Variants in PSORS1C1 observed in about 807,000 individuals in gnomAD.
PSORS1C1 encodes psoriasis susceptibility 1 candidate 1.
PSORS1C1 carries 7 observed loss-of-function variants against 9.4 expected under a neutral mutation model. That is an observed-to-expected ratio of 0.75 (90% CI 0.42 to 1.40). The LOEUF (loss-of-function observed/expected upper bound fraction) is 1.40, where lower values mean the gene tolerates loss of function less well. Among genes scored for constraint, PSORS1C1 ranks in the 40% most tolerant of loss-of-function variants. The pLI is 0.01. For synonymous variants in PSORS1C1, 63 were observed against 69.4 expected (o/e 0.91, Z 0.46); for missense variants, 146 against 178.1 (o/e 0.82, Z 1.02).
chr6:31,139,691 C>G lies in PSORS1C1; in HGVS notation c.218C>G (p.Ala73Gly), dbSNP rs764501382. Reference protein sequence around the residue: ...AMISKEFHLAATQDDCRKGRT... With the variant: ...AMISKEFHLAGTQDDCRKGRT... ...ATATCCAAGGAATTCCATCTGGCAG[C>G]CACCCAGGATGACTGCAGAAAAGGA... Residue 73 changes from alanine (A) to glycine (G), a missense_variant, in exon 6 of 6, where the codon GCC becomes GGC. By Grantham distance (60) the Ala-to-Gly change is moderately conservative (BLOSUM62 0). Transcript: ENST00000259881. This position sits in a 1 kb window ranked among gnomAD's most constrained non-coding sequence, Gnocchi z 5.2. The G allele has an allele frequency of 1.4e-5, 23 of 1,612,840 alleles. No homozygotes were observed. Among genetic ancestry groups the G allele is most frequent in the Non-Finnish European group, 1.9e-5 (23 of 1,179,952 alleles).
At chr6:31,116,809 T>G (rs1772157059) in intron 1 of PSORS1C1, 5 of 1,613,860 alleles carry the variant, frequency 3.1e-6, no homozygotes, top group Non-Finnish European at 4.2e-6. Context: ...GGGGGGACCT[T>G]GAACCACTCC....
rs118054930 is a variant in PSORS1C1 at position 31,120,835 on chromosome 6, G to A, written c.-228-4841G>A. 9.2e-3 allele frequency among the ~76,000 whole-genome samples: 1,404 copies of A among 152,026 alleles called. 38 individuals carry two copies. The highest frequency in any genetic ancestry group is 0.077 in the South Asian group (371 of 4,806). On this transcript the variant is annotated intron_variant, in intron 1 of 5. Coordinates refer to ENST00000259881, the MANE Select transcript of PSORS1C1 (RefSeq NM_014068.3). ...CTGTCTCTCCATCTGCCCTCCACTCGCAGTCGTGGGTGTTTCAGCTTTTTC... is the reference window on the plus strand; with the variant it reads ...CTGTCTCTCCATCTGCCCTCCACTCACAGTCGTGGGTGTTTCAGCTTTTTC...
At chr6:31,137,943 G>T (rs1222620375) in intron 3 of PSORS1C1, 64 of 1,398,822 alleles carry the variant, frequency 4.6e-5, no homozygotes, top group Non-Finnish European at 5.8e-5. Context: ...ACGGCTGAGG[G>T]GACTCCATTA....
chr6:31,128,802 C>A lies in PSORS1C1; in HGVS notation c.-64-767C>A, dbSNP rs973274618. 1.3e-5 allele frequency among the ~76,000 whole-genome samples: 2 copies of A among 152,176 alleles called. No individual in the cohort carries two copies. Among genetic ancestry groups the A allele is most frequent in the African/African-American group, 4.8e-5 (2 of 41,446 alleles). Reference sequence around the variant, plus strand: ...GTTAGGAGTCCCTCCTGGGCTCCTACGTCAGGGTTTGCCCCCTCTCTAATT... The same window carrying A: ...GTTAGGAGTCCCTCCTGGGCTCCTAAGTCAGGGTTTGCCCCCTCTCTAATT... On this transcript the variant is annotated intron_variant, in intron 2 of 5. Coordinates refer to ENST00000259881, the MANE Select transcript of PSORS1C1 (RefSeq NM_014068.3). This position sits in a 1 kb window ranked among gnomAD's most constrained non-coding sequence, Gnocchi z 4.3.
rs191110833 is a variant in PSORS1C1, at chr6:31,129,728, T to C, written c.13+83T>C. 133 of 766,678 alleles carry C rather than the reference T, an allele frequency of 1.7e-4. 1 individual carries two copies. In the Admixed American group the frequency reaches 2.2e-3, roughly 13 times the overall value. 47.5% of individuals were successfully genotyped at this position (766,678 alleles called of 1,614,324 possible). Reference sequence around the variant, plus strand: ...TTTATTGAGTGCCTTCTAGGCTGGGTACTAGGAGAGAAGGAAGGGATACAA... The same window carrying C: ...TTTATTGAGTGCCTTCTAGGCTGGGCACTAGGAGAGAAGGAAGGGATACAA... On this transcript the variant is annotated intron_variant, in intron 3 of 5. Coordinates refer to ENST00000259881, the MANE Select transcript of PSORS1C1 (RefSeq NM_014068.3).
At chr6:31,121,908 C>T (rs1350507773) in intron 1 of PSORS1C1, among the ~76,000 whole-genome samples, 4 of 152,230 alleles carry the variant, frequency 2.6e-5, no homozygotes, top group East Asian at 1.9e-4. Flanking sequence ...TGGTTGGCCA[C>T]GTGCAGCTAG....
chr6:31,115,999 C>T lies in PSORS1C1; in HGVS notation c.-229+1108C>T, dbSNP rs140237714. ...TGTATGTGCTTGTTTGTGCCCAAGGCATGCACACACACAACAGTTGACTTC... is the reference window on the plus strand; with the variant it reads ...TGTATGTGCTTGTTTGTGCCCAAGGTATGCACACACACAACAGTTGACTTC... On this transcript the variant is annotated intron_variant, in intron 1 of 5. Coordinates refer to ENST00000259881, the MANE Select transcript of PSORS1C1 (RefSeq NM_014068.3). This position sits in a 1 kb window ranked among gnomAD's most constrained non-coding sequence, Gnocchi z 4.2. 1.8e-4 allele frequency: 290 copies of T among 1,581,164 alleles called. No individual in the cohort carries two copies. In the African/African-American group the frequency reaches 4.0e-3, roughly 22 times the overall value.
chr6:31,121,731 C>T (rs1235355967), intron 1 of PSORS1C1, among the ~76,000 whole-genome samples: 2 of 152,208 alleles, frequency 1.3e-5, no homozygotes, highest in South Asian at 4.1e-4. Flanking sequence ...GCCCCTTGGC[C>T]TGGTCTCTCC....
At chr6:31,122,621 CA>C (rs3834327) in intron 1 of PSORS1C1, among the ~76,000 whole-genome samples, 62,076 of 151,730 alleles carry the variant, frequency 0.41, 13,529 homozygotes, top group African/African-American at 0.57. Context: ...ACCAAAAATA[CA>C]AAAAAAATTA....
At chr6:31,116,469 G>A (rs1200459243) in intron 1 of PSORS1C1, 3 of 1,599,528 alleles carry the variant, frequency 1.9e-6, no homozygotes, top group Non-Finnish European at 8.5e-7. Context: ...CCGTGGAGCC[G>A]CCTCCACAGA....
chr6:31,119,195 T>C lies in PSORS1C1; in HGVS notation c.-229+4304T>C, dbSNP rs117441850. Among the ~76,000 whole-genome samples the C allele has an allele frequency of 9.4e-3, 1,435 of 152,226 alleles. 39 individuals carry two copies. The highest frequency in any genetic ancestry group is 0.078 in the South Asian group (377 of 4,816). On this transcript the variant is annotated intron_variant, in intron 1 of 5. Transcript: ENST00000259881. ...ATATATTATGAATTATTACTGCCAC[T>C]CATCCTGATCCCTCCACCAACAACC... is the stretch of plus-strand genomic sequence containing the variant.
At chr6:31,132,997 G>T (rs1772985606) in intron 3 of PSORS1C1, among the ~76,000 whole-genome samples, 1 of 152,048 alleles carries the variant, frequency 6.6e-6, no homozygotes, top group Admixed American at 6.6e-5. Flanking sequence ...AAGGTCTGGG[G>T]GCGGGCTGGG....
chr6:31,131,836 G>A (rs897975994), intron 3 of PSORS1C1, among the ~76,000 whole-genome samples: 1 of 152,208 alleles, frequency 6.6e-6, no homozygotes, highest in Non-Finnish European at 1.5e-5. Flanking sequence ...AGTGCCCTAT[G>A]GCACATGCGC....
At position 31,134,923 on chromosome 6, in the gene PSORS1C1, C is replaced by G. The variant is rs371222379; in HGVS notation, c.14-3507C>G. Among the ~76,000 whole-genome samples the G allele has an allele frequency of 3.3e-5, 5 of 151,842 alleles. No homozygotes were observed. In the East Asian group the frequency reaches 7.9e-4, roughly 24 times the overall value. On this transcript the variant is annotated intron_variant, in intron 3 of 5. Coordinates refer to ENST00000259881, the MANE Select transcript of PSORS1C1 (RefSeq NM_014068.3). ...CCTCAACCTCCCAGGGTCAAGCAAT[C>G]TTCCCACCTCAGCCTCCTGAGTAGC...
intron 3 of PSORS1C1, among the ~76,000 whole-genome samples, chr6:31,131,713 C>T (rs943854484): frequency 6.6e-6 from 1 of 152,042 alleles, no homozygotes; most frequent in Non-Finnish European, 1.5e-5. Flanking sequence ...CCCTGTGTGA[C>T]CTTGCATGGG....
chr6:31,122,246 G>A (rs974500425), intron 1 of PSORS1C1, among the ~76,000 whole-genome samples: 1 of 152,146 alleles, frequency 6.6e-6, no homozygotes, highest in Non-Finnish European at 1.5e-5. Context: ...TATCAAAAAG[G>A]TTAAATGGGA....
At chr6:31,116,256 G>C (rs1772108157) in intron 1 of PSORS1C1, 10 of 1,614,008 alleles carry the variant, frequency 6.2e-6, no homozygotes, top group Non-Finnish European at 8.5e-6. Flanking sequence ...GACCAGAAGA[G>C]CTGGACTTGC....
chr6:31,116,523 G>A, intron 1 of PSORS1C1: 1 of 1,613,376 alleles, frequency 6.2e-7, no homozygotes. Context: ...CAATGGCCGA[G>A]GAAGCTGCCG....
chr6:31,133,947 G>C (rs1246231377), intron 3 of PSORS1C1, among the ~76,000 whole-genome samples: 1 of 152,040 alleles, frequency 6.6e-6, no homozygotes, highest in Non-Finnish European at 1.5e-5. Flanking sequence ...CCTAAGCTTA[G>C]TTTTGTTTCA....
Sources: gnomAD v4.1 joint callset for allele counts (sites outside exome capture counted in the v4.1 genomes callset) on GRCh38, gnomAD v4.1.1 for gene constraint, Gnocchi (gnomAD v3.1) non-coding constraint, MANE v1.5 for transcripts, NCBI Gene and HGNC (gene_info 2026-07-23, HGNC 2026-07-21) for gene names.